Variants in DEPDC4 observed in about 807,000 individuals in gnomAD.
DEPDC4 encodes DEP domain containing 4.
DEPDC4 carries 52 observed loss-of-function variants against 52.0 expected under a neutral mutation model. The ratio of observed to expected loss-of-function variants is 1.00; its 90% CI spans 0.80 to 1.26. The LOEUF (loss-of-function observed/expected upper bound fraction) is 1.26. Among genes scored for constraint, DEPDC4 ranks in the 50% most tolerant of loss-of-function variants. The probability of loss-of-function intolerance (pLI) is 0.00; values close to 1 mark genes in which losing one functional copy is unlikely to be tolerated. For missense variants in DEPDC4, 530 were observed against 546.9 expected (o/e 0.97, Z 0.31); for synonymous variants, 201 against 196.8 (o/e 1.02, Z -0.18).
downstream of DEPDC4, among the ~76,000 whole-genome samples, chr12:100,237,317 C>A (rs2096142813): frequency 6.6e-6 from 1 of 151,798 alleles, no homozygotes; most frequent in Non-Finnish European, 1.5e-5. Context: ...AAGTGATTCT[C>A]CTGCCTCAGC....
chr12:100,234,558 T>A (rs1166130713), intron 9 of DEPDC4, among the ~76,000 whole-genome samples: 1 of 151,942 alleles, frequency 6.6e-6, no homozygotes, highest in African/African-American at 2.4e-5. Flanking sequence ...AAAATGGGAT[T>A]TTACAAGGAA....
chr12:100,241,559 ACTTAAAATC>A lies in DEPDC4; in HGVS notation c.*324_*332del, dbSNP rs1158995195. ...ACAAAATAAAAATAAAAAATAAAAC[ACTTAAAATC>A]CTTTGAGATTATGCTTTCTCTGAAG... is the stretch of plus-strand genomic sequence containing the variant. On this transcript the variant is annotated 3_prime_UTR_variant, in exon 10 of 10. Transcript: ENST00000550587. 1 of 689,662 alleles carries A rather than the reference ACTTAAAATC, an allele frequency of 1.4e-6. No homozygotes were observed. The highest frequency in any genetic ancestry group is 1.9e-6 in the Non-Finnish European group (1 of 526,528). The allele number at this position is 689,662 out of a possible 1,614,324, so 42.7% of individuals were successfully genotyped here. A position where few individuals can be genotyped will look rare whatever the true frequency, so the allele number is the denominator to read the frequency against.
intron 8 of DEPDC4, among the ~76,000 whole-genome samples, chr12:100,248,085 C>T (rs958074033): frequency 1.3e-5 from 2 of 152,120 alleles, no homozygotes; most frequent in African/African-American, 2.4e-5. Context: ...TGTTAATCTT[C>T]GACACAGTTT....
intron 8 of DEPDC4, among the ~76,000 whole-genome samples, chr12:100,248,458 A>G (rs2096194843): frequency 6.6e-6 from 1 of 152,228 alleles, no homozygotes; most frequent in Non-Finnish European, 1.5e-5. Context: ...AAAGACACTG[A>G]ATGAAAAGAA....
the DEPDC4 span, among the ~76,000 whole-genome samples, chr12:100,281,075 C>A: frequency 8.3e-6 from 1 of 120,682 alleles, no homozygotes; most frequent in African/African-American, 3.3e-5. Context: ...GTCACCCAGG[C>A]GGGAGTGCAG....
At chr12:100,250,555 G>C (rs1162001751) in intron 7 of DEPDC4, among the ~76,000 whole-genome samples, 2 of 152,086 alleles carry the variant, frequency 1.3e-5, no homozygotes, top group African/African-American at 2.4e-5. Flanking sequence ...CTGCTAGTTG[G>C]AACATGAAGG....
intron 8 of DEPDC4, among the ~76,000 whole-genome samples, chr12:100,244,556 G>A (rs115478406): frequency 0.011 from 1,600 of 151,652 alleles, 28 homozygotes; most frequent in African/African-American, 0.036. Context: ...GCTCATTGCA[G>A]CCTGGACCTC....
the DEPDC4 span, among the ~76,000 whole-genome samples, chr12:100,280,431 T>C: frequency 2.6e-5 from 4 of 152,156 alleles, no homozygotes; most frequent in Non-Finnish European, 4.4e-5. Flanking sequence ...GACTCCAGAT[T>C]AGGAACTGCT....
At chr12:100,266,471 T>C (rs1489955274) in intron 1 of DEPDC4, among the ~76,000 whole-genome samples, 5 of 152,156 alleles carry the variant, frequency 3.3e-5, no homozygotes, top group East Asian at 3.9e-4. Flanking sequence ...TCTACCTCTC[T>C]AACCTTCATT....
At chr12:100,278,920 G>T in the DEPDC4 span, among the ~76,000 whole-genome samples, 1 of 152,092 alleles carries the variant, frequency 6.6e-6, no homozygotes, top group South Asian at 2.1e-4. Flanking sequence ...GAGCCACCGC[G>T]CCTGGCCAGT....
rs538442571 is a variant in DEPDC4, at chr12:100,234,436, C to A, written c.*699+3532G>T. On this transcript the variant is annotated intron_variant and NMD_transcript_variant, in intron 9 of 10. Coordinates refer to the DEPDC4 transcript ENST00000378244. ...CGCTGAAGACTGGCCAGGATGATGA[C>A]ACATAACCTTTGGGGAATGATGAAG... 8.5e-5 allele frequency among the ~76,000 whole-genome samples: 13 copies of A among 152,266 alleles called. No individual in the cohort carries two copies. The East Asian group carries it at 2.3e-3, about 27-fold the overall frequency.
downstream of DEPDC4, among the ~76,000 whole-genome samples, chr12:100,237,526 T>A (rs2096143298): frequency 6.6e-6 from 1 of 152,134 alleles, no homozygotes; most frequent in Non-Finnish European, 1.5e-5. Context: ...TTATTTTTTC[T>A]AGTTCTGTAA....
chr12:100,235,890 G>A (rs1255443489), downstream of DEPDC4, among the ~76,000 whole-genome samples: 1 of 152,026 alleles, frequency 6.6e-6, no homozygotes, highest in Admixed American at 6.6e-5. Flanking sequence ...ATCACTCTTA[G>A]GCCTTTGCAT....
chr12:100,267,127 C>G, upstream of DEPDC4: 1 of 1,583,284 alleles, frequency 6.3e-7, no homozygotes, highest in Non-Finnish European at 8.6e-7. Context: ...GGCTCCGCCT[C>G]TTCCGAACCG....
At chr12:100,259,961 A>G (rs1006188176) in intron 3 of DEPDC4, among the ~76,000 whole-genome samples, 1 of 148,608 alleles carries the variant, frequency 6.7e-6, no homozygotes, top group Non-Finnish European at 1.5e-5. Context: ...TTTTTTTTTA[A>G]TGTGATCCTT....
At chr12:100,270,554 A>G (rs1307587826), upstream of DEPDC4, among the ~76,000 whole-genome samples, 1 of 151,822 alleles carries the variant, frequency 6.6e-6, no homozygotes, top group Non-Finnish European at 1.5e-5. Context: ...CTTTCCTCAG[A>G]TCTTACTTAT....
At chr12:100,268,655 A>T (rs1372614342), upstream of DEPDC4, among the ~76,000 whole-genome samples, 1 of 152,212 alleles carries the variant, frequency 6.6e-6, no homozygotes, top group African/African-American at 2.4e-5. Context: ...AAATAAATAC[A>T]GGCACATTGT....
At chr12:100,244,095 G>GTATATATATATA (rs774444544) in intron 8 of DEPDC4, among the ~76,000 whole-genome samples, 83 of 51,618 alleles carry the variant, frequency 1.6e-3, no homozygotes, top group African/African-American at 4.2e-3. Context: ...CTCTCTCTGT[G>GTATATATATATA]TATATATATA....
chr12:100,255,531 G>GT (rs1224215112), intron 4 of DEPDC4, among the ~76,000 whole-genome samples: 3 of 152,196 alleles, frequency 2.0e-5, no homozygotes, highest in Non-Finnish European at 4.4e-5. Flanking sequence ...AATGCCTATA[G>GT]TTTCCAGCAG....
Sources: allele counts gnomAD v4.1 joint callset (sites outside exome capture counted in the v4.1 genomes callset), GRCh38; gene constraint gnomAD v4.1.1; transcripts MANE v1.5; gene names NCBI Gene and HGNC (gene_info 2026-07-23, HGNC 2026-07-21).